The following TTC3 variants were observed in gnomAD, a reference collection of about 807,000 sequenced individuals.
The protein encoded by TTC3 is tetratricopeptide repeat domain 3, also known as E3 ubiquitin-protein ligase TTC3.
A neutral mutation model predicts 249.6 loss-of-function variants in TTC3; 180 were observed. The observed-to-expected ratio is 0.72, with a 90% CI of 0.64 to 0.82. The LOEUF (loss-of-function observed/expected upper bound fraction) is 0.82. Ranked by LOEUF, TTC3 falls within the 40% of genes least tolerant of loss-of-function variation. The probability of loss-of-function intolerance (pLI) is 0.00; values close to 1 mark genes in which losing one functional copy is unlikely to be tolerated. For synonymous variants in TTC3, 717 were observed against 805.0 expected, an observed-to-expected ratio of 0.89 and a Z score of 1.85; for missense variants, 2,061 against 2,398.4, an observed-to-expected ratio of 0.86 and a Z score of 2.94.
chr21:37,153,070 T>C, exon 27 of TTC3: 1 of 1,613,852 alleles, frequency 6.2e-7, no homozygotes, highest in Non-Finnish European at 8.5e-7. Flanking sequence ...TCTCAAAGAA[T>C]TGCTTTCTTG....
rs1191000715 is a variant in TTC3, at chr21:37,148,699, A to G, written c.2118+52A>G. ...TTTTCAGTATACTTATTGTATGTCA[A>G]TTTTTCCCCCAAGAATTCCTTCCTG... On this transcript the variant is annotated intron_variant, in intron 23 of 45. Coordinates refer to ENST00000355666, the Ensembl canonical transcript of TTC3. 1.6e-5 allele frequency: 20 copies of G among 1,238,086 alleles called. No homozygotes were observed. In the South Asian group the frequency reaches 2.0e-4, roughly 13 times the overall value. 76.7% of individuals were successfully genotyped at this position (1,238,086 alleles called of 1,614,324 possible). A position where few individuals can be genotyped will look rare whatever the true frequency, so the allele number is the denominator to read the frequency against.
chr21:37,160,963 TAGAG>T, intron 30 of TTC3, 105 bp downstream of exon 30: 1 of 1,162,738 alleles, frequency 8.6e-7, no homozygotes, highest in Non-Finnish European at 1.2e-6. Flanking sequence ...GAAACATTTG[TAGAG>T]AAAGACTTTC....
chr21:37,095,782 A>C (rs2073879049), intron 9 of TTC3, among the ~76,000 whole-genome samples: 1 of 152,260 alleles, frequency 6.6e-6, no homozygotes, highest in Non-Finnish European at 1.5e-5. Flanking sequence ...TTAAAGGATT[A>C]GTTCTTAATA....
chr21:37,107,784 A>C (rs936382984), intron 10 of TTC3: 1 of 152,398 alleles, frequency 6.6e-6, no homozygotes, highest in African/African-American at 2.4e-5. Context: ...ACAGAAAAAC[A>C]TACAAATAGG....
intron 12 of TTC3, 79 bp from the exon 13 acceptor site, chr21:37,122,904 A>G: frequency 7.4e-7 from 1 of 1,355,962 alleles, no homozygotes; most frequent in Non-Finnish European, 9.8e-7. Flanking sequence ...ATCAGCTTAA[A>G]GTAAATTTGA....
At chr21:37,120,636 A>C (rs1035473926) in intron 11 of TTC3, among the ~76,000 whole-genome samples, 1 of 152,212 alleles carries the variant, frequency 6.6e-6, no homozygotes, top group African/African-American at 2.4e-5. Context: ...AACAGAGTTT[A>C]ATGAAATGCC....
At chr21:37,153,235 G>A in exon 27 of TTC3, 2 of 1,613,850 alleles carry the variant, frequency 1.2e-6, no homozygotes, top group Non-Finnish European at 1.7e-6. Flanking sequence ...TAAAGAAGTG[G>A]AGCCCAAATT....
chr21:37,192,065 A>G (rs746542651), intron 40 of TTC3, 47 bp from the exon 41 acceptor site: 48 of 1,174,712 alleles, frequency 4.1e-5, no homozygotes, highest in Non-Finnish European at 5.8e-5. Context: ...GAAACAAAGT[A>G]TTAATTGACA....
intron 18 of TTC3, among the ~76,000 whole-genome samples, chr21:37,138,314 A>G (rs1055694617): frequency 2.0e-5 from 3 of 152,210 alleles, no homozygotes; most frequent in Admixed American, 6.5e-5. Flanking sequence ...AGCTAAGTAA[A>G]TGTCTTAATC....
chr21:37,181,842 C>T (rs909922781), intron 35 of TTC3, among the ~76,000 whole-genome samples: 2 of 152,138 alleles, frequency 1.3e-5, no homozygotes, highest in Non-Finnish European at 2.9e-5. Context: ...TCCTTTCTTA[C>T]AGAGAAGACC....
chr21:37,169,798 A>G (rs976049194), intron 34 of TTC3, among the ~76,000 whole-genome samples: 3 of 151,902 alleles, frequency 2.0e-5, no homozygotes, highest in African/African-American at 7.3e-5. Context: ...CAGTGAGCCA[A>G]GATTGCGCCA....
chr21:37,182,938 A>C, intron 36 of TTC3, 25 bp downstream of exon 36: 1 of 1,497,740 alleles, frequency 6.7e-7, no homozygotes. Context: ...AAAGGCAGTA[A>C]TTTTTATTTA....
intron 27 of TTC3, 43 bp downstream of exon 27, chr21:37,153,320 G>C: frequency 6.5e-7 from 1 of 1,527,858 alleles, no homozygotes; most frequent in Non-Finnish European, 8.8e-7. Context: ...TTAATACGAA[G>C]GGGAAGTGTA....
chr21:37,191,779 G>C (rs2084152020), intron 40 of TTC3, among the ~76,000 whole-genome samples: 1 of 152,096 alleles, frequency 6.6e-6, no homozygotes, highest in Non-Finnish European at 1.5e-5. Flanking sequence ...AGTAGAGATG[G>C]GGTCTCTCCA....
At chr21:37,095,502 T>TAGTC in intron 9 of TTC3, 58 bp downstream of exon 9, 1 of 1,125,738 alleles carries the variant, frequency 8.9e-7, no homozygotes, top group South Asian at 1.5e-5. Flanking sequence ...GTTAGAATGG[T>TAGTC]AGTCAGAAGA....
At chr21:37,186,929 C>G (rs566796063) in intron 37 of TTC3, 120 bp from the exon 38 acceptor site, 2 of 586,360 alleles carry the variant, frequency 3.4e-6, no homozygotes, top group South Asian at 5.0e-5. Flanking sequence ...AGAAACTGCT[C>G]TGGAAGATGT....
chr21:37,080,576 C>T (rs932907372), intron 1 of TTC3, among the ~76,000 whole-genome samples: 3 of 152,080 alleles, frequency 2.0e-5, no homozygotes, highest in African/African-American at 7.2e-5. Context: ...AATATTCCAC[C>T]ATTACTAGTT....
At chr21:37,190,935 A>T (rs1387920795) in intron 39 of TTC3, among the ~76,000 whole-genome samples, 3 of 152,178 alleles carry the variant, frequency 2.0e-5, no homozygotes, top group African/African-American at 7.2e-5. Flanking sequence ...TTATTTTTAT[A>T]TTAAGGTAAT....
intron 5 of TTC3, among the ~76,000 whole-genome samples, chr21:37,089,703 G>A (rs913000332): frequency 2.6e-5 from 4 of 151,948 alleles, no homozygotes; most frequent in African/African-American, 4.8e-5. Flanking sequence ...TAGTAGAAAC[G>A]GGGTTTCACC....
Sources: gnomAD v4.1 joint callset for allele counts (sites outside exome capture counted in the v4.1 genomes callset) on GRCh38, gnomAD v4.1.1 for gene constraint, MANE v1.5 for transcripts, NCBI Gene and HGNC (gene_info 2026-07-23, HGNC 2026-07-21) for gene names.